The following TMEM86A variants were observed in gnomAD, a reference collection of about 807,000 sequenced individuals.
TMEM86A encodes transmembrane protein 86A.
A neutral mutation model predicts 19.8 loss-of-function variants in TMEM86A; 13 were observed. That is an observed-to-expected ratio of 0.66 (90% CI 0.43 to 1.04). The LOEUF is 1.04. Ranked by LOEUF, TMEM86A falls within the 50% of genes least tolerant of loss-of-function variation. The pLI is 0.00. For missense variants in TMEM86A, 248 were observed against 306.8 expected (o/e 0.81, Z 1.43); for synonymous variants, 128 against 129.9 (o/e 0.99, Z 0.10).
rs966172686 is a variant in TMEM86A at position 18,702,077 on chromosome 11, G to C, written c.*68G>C. Reference sequence around the variant, plus strand: ...GCCCAGATCCTGGGGACCTGCAGGAGCTGGATCAGGATGGCTGCAGTGCCA... The same window carrying C: ...GCCCAGATCCTGGGGACCTGCAGGACCTGGATCAGGATGGCTGCAGTGCCA... On this transcript the variant is annotated 3_prime_UTR_variant, in exon 3 of 3. Transcript: ENST00000280734. The C allele has an allele frequency of 6.5e-7, 1 of 1,532,324 alleles. No homozygotes were observed. The highest frequency in any genetic ancestry group is 1.4e-5 in the African/African-American group (1 of 73,396). The allele number at this position is 1,532,324 out of a possible 1,614,324, so 94.9% of individuals were successfully genotyped here.
In TMEM86A at chr11:18,702,236, C is replaced by T; in HGVS notation, c.*227C>T. On this transcript the variant is annotated 3_prime_UTR_variant, in exon 3 of 3. Coordinates refer to ENST00000280734, the MANE Select transcript of TMEM86A (RefSeq NM_153347.3). The stretch of plus-strand genomic sequence containing the variant: ...GAGCCAGCCTAATATCAGACTGGAG[C>T]CAGAAGTAGACATCTCCCCACCTCT... The T allele has an allele frequency of 1.7e-6, 1 of 581,338 alleles. No homozygotes were observed. Among genetic ancestry groups the T allele is most frequent in the East Asian group, 2.9e-5 (1 of 34,450 alleles). 36.0% of individuals were successfully genotyped at this position (581,338 alleles called of 1,614,324 possible).
In TMEM86A at chr11:18,703,374, C is replaced by G. The variant is rs772591685; in HGVS notation, c.*1365C>G. The G allele has an allele frequency of 3.3e-5, 5 of 152,364 alleles. No individual in the cohort carries two copies. In the South Asian group the frequency reaches 8.3e-4, roughly 25 times the overall value. 9.4% of individuals were successfully genotyped at this position (152,364 alleles called of 1,614,324 possible). ...GTCCAAATTTGTCCTTGATGTACTCCCCTGTGCACAGGTGCCCAGCACCCT... is the reference window on the plus strand; with the variant it reads ...GTCCAAATTTGTCCTTGATGTACTCGCCTGTGCACAGGTGCCCAGCACCCT... On this transcript the variant is annotated 3_prime_UTR_variant, in exon 3 of 3. Transcript: ENST00000280734.
Position 18,701,836 on chromosome 11 carries a change from CTCT to C in TMEM86A, c.555_557del (p.Phe186del), listed in dbSNP as rs1351258199. 10 of 1,614,040 alleles carry C rather than the reference CTCT, an allele frequency of 6.2e-6. No homozygotes were observed. The highest frequency in any genetic ancestry group is 8.5e-6 in the Non-Finnish European group (10 of 1,180,032). On this transcript the variant is annotated inframe_deletion, in exon 3 of 3. Transcript: ENST00000280734. The surrounding 1 kb of genome is among the most constrained non-coding windows in gnomAD (Gnocchi z 5.3). ...AGAGCTGGCAGCTGGCAGTGGTGCA[CTCT>C]TCTTTATCATCTCAGACCTGACCAT...
At position 18,703,928 on chromosome 11, in the gene TMEM86A, G is replaced by C. The variant is rs981470870; in HGVS notation, c.*1919G>C. 3 of 152,312 alleles carry C rather than the reference G, an allele frequency of 2.0e-5. No individual in the cohort carries two copies. The highest frequency in any genetic ancestry group is 7.2e-5 in the African/African-American group (3 of 41,414). 9.4% of individuals were successfully genotyped at this position (152,312 alleles called of 1,614,324 possible). A position where few individuals can be genotyped will look rare whatever the true frequency, so the allele number is the denominator to read the frequency against. ...TGTTTTGTTTTGGAAGGATTCCACT[G>C]AAAAACGTAAGTTTGAAACTTAGTG... On this transcript the variant is annotated 3_prime_UTR_variant, in exon 3 of 3. Transcript: ENST00000280734.
Position 18,698,811 on chromosome 11 carries a change from C to A in TMEM86A, c.-76C>A. 1.5e-6 allele frequency: 1 copy of A among 653,236 alleles called. No homozygotes were observed. The highest frequency in any genetic ancestry group is 1.6e-5 in the South Asian group (1 of 63,000). 40.5% of individuals were successfully genotyped at this position (653,236 alleles called of 1,614,324 possible). A position where few individuals can be genotyped will look rare whatever the true frequency, so the allele number is the denominator to read the frequency against. On this transcript the variant is annotated 5_prime_UTR_variant, in exon 1 of 3. Transcript: ENST00000280734. ...GTCCCTCCGGGCTTTGTAGAATCGT[C>A]GCCGGCTTACCTGGCCGTGGGCGCG...
Position 18,704,556 on chromosome 11 carries a change from G to C in TMEM86A, c.*2547G>C. 6.6e-7 allele frequency: 1 copy of C among 1,505,582 alleles called. No homozygotes were observed. Among genetic ancestry groups the C allele is most frequent in the Non-Finnish European group, 9.0e-7 (1 of 1,107,298 alleles). 93.3% of individuals were successfully genotyped at this position (1,505,582 alleles called of 1,614,324 possible). On this transcript the variant is annotated 3_prime_UTR_variant, in exon 3 of 3. Coordinates refer to ENST00000280734, the MANE Select transcript of TMEM86A (RefSeq NM_153347.3). Reference sequence around the variant, plus strand: ...ATCTTTGTCTGAAAGAGCAAAGGAAGTATTCGTTATATTAATGATGCTGGC... The same window carrying C: ...ATCTTTGTCTGAAAGAGCAAAGGAACTATTCGTTATATTAATGATGCTGGC...
chr11:18,699,493 T>C lies in TMEM86A; in HGVS notation c.21+586T>C, dbSNP rs541592494. 2.2e-4 allele frequency among the ~76,000 whole-genome samples: 33 copies of C among 152,346 alleles called. 1 individual carries two copies. The South Asian group carries it at 6.6e-3, about 31-fold the overall frequency. On this transcript the variant is annotated intron_variant, in intron 1 of 2. Transcript: ENST00000280734. This position sits in a 1 kb window ranked among gnomAD's most constrained non-coding sequence, Gnocchi z 4.0. ...CGTCTCCCCATCCTCCTTATTCTAC[T>C]ACTGGGTTCCCTATAACTGTCAGGG... is the stretch of plus-strand genomic sequence containing the variant.
At chr11:18,698,975 C>A (rs1590427476) in intron 1 of TMEM86A, 68 bp downstream of exon 1, 4 of 457,472 alleles carry the variant, frequency 8.7e-6, no homozygotes, top group Admixed American at 4.2e-5. Context: ...CACCGGACTT[C>A]GGCAGGCCGA....
intron 1 of TMEM86A, chr11:18,700,129 C>T (rs1848135606): frequency 6.6e-6 from 1 of 152,354 alleles, no homozygotes; most frequent in African/African-American, 2.4e-5. Flanking sequence ...CTCAGTTCCC[C>T]ATCTCCCAGC....
At chr11:18,700,885 C>A in intron 1 of TMEM86A, 48 bp from the exon 2 acceptor site, 2 of 1,599,654 alleles carry the variant, frequency 1.3e-6, no homozygotes, top group South Asian at 1.1e-5. Flanking sequence ...AGGGTGCTGG[C>A]TTTCAACCCC....
rs901546587 is a variant in TMEM86A, at chr11:18,702,325, C to G, written c.*316C>G. On this transcript the variant is annotated 3_prime_UTR_variant, in exon 3 of 3. Coordinates refer to ENST00000280734, the MANE Select transcript of TMEM86A (RefSeq NM_153347.3). ...GGTGCTCAGCTTCTTGACACCCCCC[C>G]ACCCACTTCCCCTACCAGGTGGAAG... 7.4e-6 allele frequency: 3 copies of G among 408,018 alleles called. No individual in the cohort carries two copies. Among genetic ancestry groups the G allele is most frequent in the South Asian group, 2.6e-5 (1 of 38,088 alleles). 25.3% of individuals were successfully genotyped at this position (408,018 alleles called of 1,614,324 possible).
At position 18,701,513 on chromosome 11, in the gene TMEM86A, C is replaced by A. The variant is rs934618920; in HGVS notation, c.287-60C>A. The A allele has an allele frequency of 1.3e-6, 2 of 1,496,542 alleles. No individual in the cohort carries two copies. Among genetic ancestry groups the A allele is most frequent in the Admixed American group, 2.2e-5 (1 of 45,460 alleles). 92.7% of individuals were successfully genotyped at this position (1,496,542 alleles called of 1,614,324 possible). A position where few individuals can be genotyped will look rare whatever the true frequency, so the allele number is the denominator to read the frequency against. ...ATCGCCACATCCATCCCTACCCCCA[C>A]CCTGTTACTCATTCTTCATCAAGCT... On this transcript the variant is annotated intron_variant, in intron 2 of 2. Transcript: ENST00000280734. The surrounding 1 kb of genome is among the most constrained non-coding windows in gnomAD (Gnocchi z 5.3).
chr11:18,700,641 T>TA, intron 1 of TMEM86A: 1 of 495,376 alleles, frequency 2.0e-6, no homozygotes, highest in Non-Finnish European at 3.6e-6. Flanking sequence ...GAGGAGGGGC[T>TA]AAAGGGGCCC....
At position 18,704,166 on chromosome 11, in the gene TMEM86A, A is replaced by C; in HGVS notation, c.*2157A>C. On this transcript the variant is annotated 3_prime_UTR_variant, in exon 3 of 3. Coordinates refer to ENST00000280734, the MANE Select transcript of TMEM86A (RefSeq NM_153347.3). ...ATGTAGATGTGGAGGAGGGGAAGGG[A>C]AGACCAGGCCCAGTCACAAGAAGGC... 1 of 325,648 alleles carries C rather than the reference A, an allele frequency of 3.1e-6. No homozygotes were observed. The highest frequency in any genetic ancestry group is 5.8e-6 in the Non-Finnish European group (1 of 171,768). 20.2% of individuals were successfully genotyped at this position (325,648 alleles called of 1,614,324 possible).
Position 18,704,123 on chromosome 11 carries a change from G to A in TMEM86A, c.*2114G>A, listed in dbSNP as rs1291850981. The stretch of plus-strand genomic sequence containing the variant: ...AGCAGGACTTGCCCCCAAGCTCTGA[G>A]GGGAGGGGGAAAGTGCCATGTAGAT... On this transcript the variant is annotated 3_prime_UTR_variant, in exon 3 of 3. Transcript: ENST00000280734. 1 of 257,654 alleles carries A rather than the reference G, an allele frequency of 3.9e-6. No individual in the cohort carries two copies. The highest frequency in any genetic ancestry group is 2.2e-5 in the African/African-American group (1 of 45,694). 16.0% of individuals were successfully genotyped at this position (257,654 alleles called of 1,614,324 possible).
chr11:18,701,116 AC>A lies in TMEM86A; in HGVS notation c.208del (p.Arg70AlafsTer11). 1 of 1,613,810 alleles carries A rather than the reference AC, an allele frequency of 6.2e-7. No individual in the cohort carries two copies. The highest frequency in any genetic ancestry group is 8.5e-7 in the Non-Finnish European group (1 of 1,179,978). ...ATTCCTGCTGGCCCACCCCAGCGCCACCCGCATCTTTGTGGGGCTTGTCTTC... is the reference window on the plus strand; with the variant it reads ...ATTCCTGCTGGCCCACCCCAGCGCCACCGCATCTTTGTGGGGCTTGTCTTC... ...LGFLLAHPSA[T>X]RIFVGLVFSA... On this transcript the variant is annotated frameshift_variant, in exon 2 of 3. Transcript: ENST00000280734. LOFTEE classifies it high-confidence loss of function. This position sits in a 1 kb window ranked among gnomAD's most constrained non-coding sequence, Gnocchi z 5.3.
At position 18,701,339 on chromosome 11, in the gene TMEM86A, G is replaced by A; in HGVS notation, c.286+142G>A. 1.6e-6 allele frequency: 2 copies of A among 1,239,388 alleles called. No homozygotes were observed. Among genetic ancestry groups the A allele is most frequent in the Non-Finnish European group, 2.2e-6 (2 of 901,766 alleles). The allele number at this position is 1,239,388 out of a possible 1,614,324, so 76.8% of individuals were successfully genotyped here. A position where few individuals can be genotyped will look rare whatever the true frequency, so the allele number is the denominator to read the frequency against. Reference sequence around the variant, plus strand: ...GGGTTTCTGAGGCCAGGGACTGTGAGGGTCCTTGTTAGGGGATGACCTCGC... The same window carrying A: ...GGGTTTCTGAGGCCAGGGACTGTGAAGGTCCTTGTTAGGGGATGACCTCGC... On this transcript the variant is annotated intron_variant, in intron 2 of 2. Coordinates refer to ENST00000280734, the MANE Select transcript of TMEM86A (RefSeq NM_153347.3). This position sits in a 1 kb window ranked among gnomAD's most constrained non-coding sequence, Gnocchi z 5.3.
At position 18,701,472 on chromosome 11, in the gene TMEM86A, C is replaced by T; in HGVS notation, c.287-101C>T. 1 of 1,334,334 alleles carries T rather than the reference C, an allele frequency of 7.5e-7. No homozygotes were observed. The highest frequency in any genetic ancestry group is 1.0e-6 in the Non-Finnish European group (1 of 972,754). The allele number at this position is 1,334,334 out of a possible 1,614,324, so 82.7% of individuals were successfully genotyped here. The stretch of plus-strand genomic sequence containing the variant: ...CCCAAAGCAAAGCTGCTGGGTTATC[C>T]CAAACACTCCACTCCATCGCCACAT... On this transcript the variant is annotated intron_variant, in intron 2 of 2. Coordinates refer to ENST00000280734, the MANE Select transcript of TMEM86A (RefSeq NM_153347.3). This position sits in a 1 kb window ranked among gnomAD's most constrained non-coding sequence, Gnocchi z 5.3.
intron 1 of TMEM86A, among the ~76,000 whole-genome samples, chr11:18,700,443 G>A: frequency 6.6e-6 from 1 of 152,152 alleles, no homozygotes; most frequent in East Asian, 1.9e-4. Context: ...GAGAGGCTGT[G>A]GTGGCTGAGG....
Sources: gnomAD v4.1 joint callset for allele counts (sites outside exome capture counted in the v4.1 genomes callset) on GRCh38, gnomAD v4.1.1 for gene constraint, Gnocchi (gnomAD v3.1) non-coding constraint, MANE v1.5 for transcripts, NCBI Gene and HGNC (gene_info 2026-07-23, HGNC 2026-07-21) for gene names.